SGCD: variants seen among roughly 807,000 people sequenced by gnomAD.
SGCD encodes the protein delta-sarcoglycan.
A neutral mutation model predicts 36.6 loss-of-function variants in SGCD; 18 were observed. The ratio of observed to expected loss-of-function variants is 0.49; its 90% CI spans 0.34 to 0.73. The LOEUF is 0.73. Among genes scored for constraint, SGCD ranks in the 30% least tolerant of loss-of-function variants. The pLI, the probability that SGCD is intolerant of heterozygous loss-of-function variation, is 0.01. For missense variants in SGCD, 387 were observed against 346.7 expected (o/e 1.12, Z -0.92); for synonymous variants, 133 against 130.6 (o/e 1.02, Z -0.12).
chr5:156,192,094 G>C (rs1412449106), intron 3 of SGCD, among the ~76,000 whole-genome samples: 1 of 152,084 alleles, frequency 6.6e-6, no homozygotes, highest in Non-Finnish European at 1.5e-5. Flanking sequence ...GAGATTACTG[G>C]TCTGTAAGAA....
intron 3 of SGCD, among the ~76,000 whole-genome samples, chr5:156,192,410 A>G (rs1315262484): frequency 4.6e-5 from 7 of 152,128 alleles, no homozygotes; most frequent in Admixed American, 1.3e-4. Flanking sequence ...CATATGTGAG[A>G]GCTAAAAAAG....
In SGCD at chr5:156,632,276, C is replaced by A. The variant is rs181398955; in HGVS notation, c.503-15188C>A. Among the ~76,000 whole-genome samples the A allele has an allele frequency of 4.6e-5, 7 of 152,266 alleles. No individual in the cohort carries two copies. In the East Asian group the frequency reaches 1.4e-3, roughly 29 times the overall value. On this transcript the variant is annotated intron_variant, in intron 6 of 8. Transcript: ENST00000337851. ...CTGATTGGGCAGCCTAGATCACATTCCCTTCTGTATCCTGGGGGTGGGGGA... is the reference window on the plus strand; with the variant it reads ...CTGATTGGGCAGCCTAGATCACATTACCTTCTGTATCCTGGGGGTGGGGGA...
chr5:156,268,180 G>T (rs1766051907), intron 3 of SGCD, among the ~76,000 whole-genome samples: 1 of 152,062 alleles, frequency 6.6e-6, no homozygotes, highest in Non-Finnish European at 1.5e-5. Flanking sequence ...CTTTTTTATG[G>T]CTACATAGTA....
the SGCD span, among the ~76,000 whole-genome samples, chr5:155,747,879 C>A: frequency 6.6e-6 from 1 of 152,142 alleles, no homozygotes; most frequent in African/African-American, 2.4e-5. Context: ...TCTAATCAAC[C>A]AGGGTCCTAA....
chr5:155,833,072 GA>G, the SGCD span, among the ~76,000 whole-genome samples: 1 of 135,268 alleles, frequency 7.4e-6, no homozygotes, highest in Non-Finnish European at 1.6e-5. Flanking sequence ...AAAAAAAAAA[GA>G]AAAAAAATTA....
chr5:156,151,832 CT>C (rs11284006), intron 3 of SGCD, among the ~76,000 whole-genome samples: 109,177 of 149,456 alleles, frequency 0.73, 40,882 homozygotes, highest in East Asian at 0.95. Flanking sequence ...TCTTCTTCTT[CT>C]TTTTTTTTTG....
intron 3 of SGCD, among the ~76,000 whole-genome samples, chr5:156,379,601 G>GT (rs770641694): frequency 1.3e-5 from 2 of 152,132 alleles, no homozygotes; most frequent in African/African-American, 2.4e-5. Flanking sequence ...CAGAAAAGCA[G>GT]TGATTATAGT....
In SGCD at chr5:156,169,857, G is replaced by T. The variant is rs577149351; in HGVS notation, c.-44+45838G>T. On this transcript the variant is annotated intron_variant, in intron 3 of 9. Transcript: ENST00000517913. ...TCAATGAGTAAGGGGGAGTTGGTGG[G>T]TTAGTCATGGGGGGTGGCATTCACA... Among the ~76,000 whole-genome samples the T allele has an allele frequency of 4.6e-5, 7 of 152,060 alleles. No homozygotes were observed. The South Asian group carries it at 1.5e-3, about 32-fold the overall frequency.
At chr5:156,135,947 T>G (rs1762446247) in intron 3 of SGCD, among the ~76,000 whole-genome samples, 1 of 152,180 alleles carries the variant, frequency 6.6e-6, no homozygotes, top group Non-Finnish European at 1.5e-5. Flanking sequence ...GATGTCATTA[T>G]TAGCGGTGTA....
At chr5:156,572,341 T>C (rs1161065879) in intron 4 of SGCD, among the ~76,000 whole-genome samples, 1 of 152,186 alleles carries the variant, frequency 6.6e-6, no homozygotes, top group African/African-American at 2.4e-5. Flanking sequence ...TTCATAGCAG[T>C]CGCACCCTTT....
At chr5:155,843,083 G>T in the SGCD span, among the ~76,000 whole-genome samples, 1 of 152,168 alleles carries the variant, frequency 6.6e-6, no homozygotes, top group Admixed American at 6.5e-5. Context: ...ACCCTCAAGA[G>T]CGGGTGCTGG....
At chr5:155,741,034 G>A in the SGCD span, among the ~76,000 whole-genome samples, 1 of 152,190 alleles carries the variant, frequency 6.6e-6, no homozygotes, top group Non-Finnish European at 1.5e-5. Flanking sequence ...ATCAATACAT[G>A]TAAGGTATAC....
At chr5:156,305,732 A>G (rs1332789682) in intron 3 of SGCD, among the ~76,000 whole-genome samples, 2 of 152,236 alleles carry the variant, frequency 1.3e-5, no homozygotes, top group Non-Finnish European at 2.9e-5. Context: ...CTAGCCCATG[A>G]TAGCAGTCAG....
chr5:156,732,295 C>T (rs1302506374), intron 7 of SGCD, among the ~76,000 whole-genome samples: 1 of 150,388 alleles, frequency 6.6e-6, no homozygotes, highest in Middle Eastern at 3.2e-3. Context: ...CTTAGTTTAT[C>T]GTGTTTTTAA....
intron 8 of SGCD, among the ~76,000 whole-genome samples, chr5:156,758,784 A>AG (rs1284248373): frequency 6.7e-6 from 1 of 148,582 alleles, no homozygotes; most frequent in Non-Finnish European, 1.5e-5. Flanking sequence ...ATAAATTGTT[A>AG]GAAAAAAAAA....
intron 3 of SGCD, among the ~76,000 whole-genome samples, chr5:156,236,701 G>A (rs145154838): frequency 0.015 from 2,320 of 152,088 alleles, 26 homozygotes; most frequent in Non-Finnish European, 0.025. Context: ...ACCCTTCTTG[G>A]CCTCCCAAAG....
chr5:156,139,389 AG>A (rs1486541271), intron 3 of SGCD, among the ~76,000 whole-genome samples: 1 of 152,168 alleles, frequency 6.6e-6, no homozygotes, highest in Non-Finnish European at 1.5e-5. Flanking sequence ...GTCAGCTTAT[AG>A]GTTCATCAAA....
intron 1 of SGCD, among the ~76,000 whole-genome samples, chr5:155,982,984 C>T (rs895493459): frequency 2.0e-5 from 3 of 152,092 alleles, no homozygotes; most frequent in African/African-American, 7.2e-5. Flanking sequence ...GGATCCAGTG[C>T]TTTTTATTTA....
intron 3 of SGCD, among the ~76,000 whole-genome samples, chr5:156,230,593 C>T (rs1257212173): frequency 6.6e-6 from 1 of 152,116 alleles, no homozygotes; most frequent in African/African-American, 2.4e-5. Context: ...CTGGGTCCTG[C>T]AGGAGCAGTC....
Sources: gnomAD v4.1 joint callset for allele counts (sites outside exome capture counted in the v4.1 genomes callset) on GRCh38, gnomAD v4.1.1 for gene constraint, MANE v1.5 for transcripts, NCBI Gene and HGNC (gene_info 2026-07-23, HGNC 2026-07-21) for gene names.